The following DDHD1 variants were observed in gnomAD, a reference collection of about 807,000 sequenced individuals.
DDHD1 encodes the protein phospholipase DDHD1.
In DDHD1, 49 loss-of-function variants were observed where a neutral mutation model predicts 96.4. The ratio of observed to expected loss-of-function variants is 0.51; its 90% CI spans 0.40 to 0.64. The LOEUF is 0.64. Ranked by LOEUF, DDHD1 falls within the 30% of genes least tolerant of loss-of-function variation. The pLI is 0.00. For missense variants in DDHD1, 1,106 were observed against 1,161.2 expected, an observed-to-expected ratio of 0.95 and a Z score of 0.69; for synonymous variants, 442 against 446.5, an observed-to-expected ratio of 0.99 and a Z score of 0.13.
chr14:53,117,269 C>G (rs1246249178), intron 1 of DDHD1, among the ~76,000 whole-genome samples: 1 of 152,144 alleles, frequency 6.6e-6, no homozygotes, highest in East Asian at 1.9e-4. Flanking sequence ...ACTGAGGTAC[C>G]TGGTTCATCT....
At chr14:53,135,003 C>T (rs556491118) in intron 1 of DDHD1, among the ~76,000 whole-genome samples, 29 of 152,298 alleles carry the variant, frequency 1.9e-4, no homozygotes, top group Admixed American at 1.3e-3. Flanking sequence ...TAATTCCGCT[C>T]GAAGCAGCCC....
At chr14:53,114,762 T>C (rs1351437743) in intron 1 of DDHD1, among the ~76,000 whole-genome samples, 2 of 152,144 alleles carry the variant, frequency 1.3e-5, no homozygotes, top group Non-Finnish European at 2.9e-5. Flanking sequence ...TCCACAAAGA[T>C]GAGGAAAAAT....
In DDHD1 at chr14:53,055,925, A is replaced by C; in HGVS notation, c.1993-13T>G. 2 of 1,593,272 alleles carry C rather than the reference A, an allele frequency of 1.3e-6. No individual in the cohort carries two copies. The highest frequency in any genetic ancestry group is 1.7e-6 in the Non-Finnish European group (2 of 1,169,046). On this transcript the variant is annotated splice_polypyrimidine_tract_variant and intron_variant, in intron 9 of 12. Coordinates refer to ENST00000673822, the MANE Select transcript of DDHD1 (RefSeq NM_001160148.2). The stretch of plus-strand genomic sequence containing the variant: ...CTAATCTATAAGCCTTGATTTAAAA[A>C]AAAAAATTCAAAGAAACACAGTGTT...
intron 1 of DDHD1, among the ~76,000 whole-genome samples, chr14:53,104,751 C>A (rs1216806738): frequency 6.6e-6 from 1 of 151,834 alleles, no homozygotes. Context: ...TTCTTTAAAA[C>A]AATTTTTTAA....
intron 1 of DDHD1, among the ~76,000 whole-genome samples, chr14:53,122,996 C>A (rs1889120960): frequency 6.6e-6 from 1 of 151,908 alleles, no homozygotes; most frequent in Non-Finnish European, 1.5e-5. Flanking sequence ...AAAATATGCT[C>A]AGATTCACCG....
chr14:53,073,888 G>A (rs1462070825), intron 4 of DDHD1, 41 bp from the exon 5 acceptor site: 4 of 1,521,112 alleles, frequency 2.6e-6, no homozygotes, highest in Non-Finnish European at 2.7e-6. Flanking sequence ...AAAGCTTTAT[G>A]AGAATAACTT....
intron 1 of DDHD1, among the ~76,000 whole-genome samples, chr14:53,143,341 T>C (rs1238970865): frequency 6.6e-6 from 1 of 152,182 alleles, no homozygotes; most frequent in Non-Finnish European, 1.5e-5. Flanking sequence ...CTGTAAACCA[T>C]GTTTGTTAGA....
rs189926118 is a variant in DDHD1 at position 53,037,675 on chromosome 14, C to A, written c.*9093G>T. On this transcript the variant is annotated 3_prime_UTR_variant, in exon 13 of 13. Coordinates refer to ENST00000673822, the MANE Select transcript of DDHD1 (RefSeq NM_001160148.2). ...TAGTTTGCAAATATTTTCTCCAATTCTGTATGTTGTCTGTTTACTCTGTTG... is the reference window on the plus strand; with the variant it reads ...TAGTTTGCAAATATTTTCTCCAATTATGTATGTTGTCTGTTTACTCTGTTG... 1 of 152,166 alleles carries A rather than the reference C, an allele frequency of 6.6e-6. No individual in the cohort carries two copies. The highest frequency in any genetic ancestry group is 6.6e-5 in the Admixed American group (1 of 15,266). The allele number at this position is 152,166 out of a possible 1,614,324, so 9.4% of individuals were successfully genotyped here. A position where few individuals can be genotyped will look rare whatever the true frequency, so the allele number is the denominator to read the frequency against.
rs1475552486 is a variant in DDHD1, at chr14:53,070,876, A to C, written c.1503+1721T>G. ...AGTTTTTCAAAGCTTAGTTAGGAAT[A>C]TTTTTAGATTAAAAACACTGATGAA... is the stretch of plus-strand genomic sequence containing the variant. On this transcript the variant is annotated intron_variant, in intron 6 of 12. Transcript: ENST00000673822. Among the ~76,000 whole-genome samples, 65 of 152,240 alleles carry C rather than the reference A, an allele frequency of 4.3e-4. No homozygotes were observed. The East Asian group carries it at 9.3e-3, about 22-fold the overall frequency.
chr14:53,047,916 T>C (rs1156277449), intron 12 of DDHD1, among the ~76,000 whole-genome samples: 1 of 152,146 alleles, frequency 6.6e-6, no homozygotes, highest in Non-Finnish European at 1.5e-5. Flanking sequence ...AAAACAAAAA[T>C]GCTCAAATCA....
chr14:53,063,008 A>G lies in DDHD1; in HGVS notation c.1701T>C (p.Pro567=). The G allele has an allele frequency of 6.2e-7, 1 of 1,614,164 alleles. No individual in the cohort carries two copies. Among genetic ancestry groups the G allele is most frequent in the South Asian group, 1.1e-5 (1 of 91,084 alleles). ...CTTCATAGCTCATCCATCGTTCATC[A>G]GGCAACTCTTCTTCCTTTTGCAGCA... is the stretch of plus-strand genomic sequence containing the variant. ...EQLLQKEEEL[P]DERWMSYEER... The change falls in exon 7 of 13, where the codon CCT becomes CCC. Residue 567 remains proline (P), a synonymous_variant. Coordinates refer to ENST00000673822, the MANE Select transcript of DDHD1 (RefSeq NM_001160148.2).
chr14:53,057,859 T>G (rs1223804108), intron 9 of DDHD1, among the ~76,000 whole-genome samples: 6 of 152,236 alleles, frequency 3.9e-5, no homozygotes, highest in Non-Finnish European at 5.9e-5. Context: ...GACAGATTTT[T>G]ACTTTTTGGA....
intron 8 of DDHD1, 26 bp from the exon 9 acceptor site, chr14:53,058,652 T>A: frequency 6.4e-7 from 1 of 1,571,148 alleles, no homozygotes; most frequent in Non-Finnish European, 8.6e-7. Context: ...CATCTTAAAG[T>A]TTAAAAATGG....
rs1202274998 is a variant in DDHD1 at position 53,067,134 on chromosome 14, G to T, written c.1504-3929C>A. 2.0e-5 allele frequency among the ~76,000 whole-genome samples: 3 copies of T among 151,088 alleles called. No homozygotes were observed. In the East Asian group the frequency reaches 5.8e-4, roughly 29 times the overall value. On this transcript the variant is annotated intron_variant, in intron 6 of 12. Transcript: ENST00000673822. ...AACCACCAAATGAGAATCTCTGGGA[G>T]ATCCGGGAAACTATTCCTTTTCTTT...
chr14:53,106,410 G>T (rs1469407170), intron 1 of DDHD1, among the ~76,000 whole-genome samples: 1 of 152,142 alleles, frequency 6.6e-6, no homozygotes, highest in Non-Finnish European at 1.5e-5. Flanking sequence ...TGTAATCCCA[G>T]CATTCTGAGA....
rs575611216 is a variant in DDHD1 at position 53,153,230 on chromosome 14, G to A, written c.-132C>T. 1 of 833,902 alleles carries A rather than the reference G, an allele frequency of 1.2e-6. No homozygotes were observed. Among genetic ancestry groups the A allele is most frequent in the Non-Finnish European group, 1.7e-6 (1 of 604,376 alleles). 51.7% of individuals were successfully genotyped at this position (833,902 alleles called of 1,614,324 possible). ...TTCAAATCCCGACCCGAGCTGCGGC[G>A]GCAGCGGCGACCGCTCCGCCCCCAC... On this transcript the variant is annotated 5_prime_UTR_variant, in exon 1 of 13. Coordinates refer to ENST00000673822, the MANE Select transcript of DDHD1 (RefSeq NM_001160148.2).
intron 2 of DDHD1, among the ~76,000 whole-genome samples, chr14:53,099,449 T>C (rs1887135369): frequency 6.6e-6 from 1 of 152,224 alleles, no homozygotes; most frequent in African/African-American, 2.4e-5. Flanking sequence ...TTACTTGTCT[T>C]TCATGACCTT....
intron 4 of DDHD1, among the ~76,000 whole-genome samples, chr14:53,076,005 G>A (rs1308110432): frequency 6.6e-6 from 1 of 152,146 alleles, no homozygotes; most frequent in Non-Finnish European, 1.5e-5. Context: ...CAAGAGCTCT[G>A]ATGGAGATGT....
intron 4 of DDHD1, among the ~76,000 whole-genome samples, chr14:53,089,834 C>CA (rs1293552033): frequency 6.6e-6 from 1 of 152,140 alleles, no homozygotes; most frequent in East Asian, 1.9e-4. Context: ...ATGTCTAAAA[C>CA]ACCAAAAGCA....
Sources: gnomAD v4.1 joint callset for allele counts (sites outside exome capture counted in the v4.1 genomes callset) on GRCh38, gnomAD v4.1.1 for gene constraint, MANE v1.5 for transcripts, NCBI Gene and HGNC (gene_info 2026-07-23, HGNC 2026-07-21) for gene names.